WWOX: variants seen among roughly 807,000 people sequenced by gnomAD.
WWOX encodes WW domain containing oxidoreductase.
A neutral mutation model predicts 46.2 loss-of-function variants in WWOX; 69 were observed. The ratio of observed to expected loss-of-function variants is 1.49; its 90% CI spans 1.23 to 1.82. The LOEUF is 1.82. WWOX is among the 40% of genes most tolerant of loss of function. WWOX has a pLI of 0.00. For synonymous variants in WWOX, 359 were observed against 202.6 expected (o/e 1.77, Z -6.56); for missense variants, 919 against 542.6 (o/e 1.69, Z -6.89).
chr16:78,577,723 A>G (rs977124767), intron 8 of WWOX, among the ~76,000 whole-genome samples: 1 of 152,008 alleles, frequency 6.6e-6, no homozygotes, highest in African/African-American at 2.4e-5. Context: ...GTGTGTTGAC[A>G]CTCTATTTGA....
chr16:78,186,129 T>TA (rs1001607378), intron 5 of WWOX, among the ~76,000 whole-genome samples: 1 of 152,072 alleles, frequency 6.6e-6, no homozygotes, highest in Non-Finnish European at 1.5e-5. Context: ...TCAGACAGTA[T>TA]AAAAAAATCT....
Position 78,924,301 on chromosome 16 carries a change from G to C in WWOX, c.1057-287307G>C, listed in dbSNP as rs556650336. Among the ~76,000 whole-genome samples, 14 of 152,254 alleles carry C rather than the reference G, an allele frequency of 9.2e-5. No individual in the cohort carries two copies. The South Asian group carries it at 1.2e-3, about 14-fold the overall frequency. On this transcript the variant is annotated intron_variant, in intron 8 of 8. Transcript: ENST00000566780. ...TTTATAAGATTTTAGGATTAGGAAG[G>C]CTTTTTTAGGGGGTGGGGTTGCTTT... is the stretch of plus-strand genomic sequence containing the variant.
chr16:78,546,504 A>G (rs372235113), intron 8 of WWOX, among the ~76,000 whole-genome samples: 1 of 152,210 alleles, frequency 6.6e-6, no homozygotes, highest in Non-Finnish European at 1.5e-5. Context: ...TGGGATTGCA[A>G]TTACCTTGCC....
rs77302608 is a variant in WWOX, at chr16:78,728,648, C to T, written c.1056+295896C>T. On this transcript the variant is annotated intron_variant, in intron 8 of 8. Coordinates refer to ENST00000566780, the MANE Select transcript of WWOX (RefSeq NM_016373.4). Reference sequence around the variant, plus strand: ...AGAGCTTCTGGAAGGGTCTCAGAGACATCCCTGAGGGTCCCTTGACTGCAC... The same window carrying T: ...AGAGCTTCTGGAAGGGTCTCAGAGATATCCCTGAGGGTCCCTTGACTGCAC... Among the ~76,000 whole-genome samples, 267 of 152,316 alleles carry T rather than the reference C, an allele frequency of 1.8e-3. 5 individuals are homozygous for T. The East Asian group carries it at 0.022, about 13-fold the overall frequency.
chr16:79,194,241 G>A (rs150380788), intron 8 of WWOX, among the ~76,000 whole-genome samples: 1 of 152,294 alleles, frequency 6.6e-6, no homozygotes, highest in African/African-American at 2.4e-5. Context: ...TGGTCATTTT[G>A]TTTATCCATC....
rs530005505 is a variant in WWOX at position 78,490,184 on chromosome 16, C to G, written c.1056+57432C>G. 1.1e-4 allele frequency among the ~76,000 whole-genome samples: 17 copies of G among 148,454 alleles called. No homozygotes were observed. In the East Asian group the frequency reaches 2.8e-3, roughly 24 times the overall value. ...GGCGTTGGCTTTTACTTGGGGTTGACCTTTCCTTATCAAGGACGTACAAGG... is the reference window on the plus strand; with the variant it reads ...GGCGTTGGCTTTTACTTGGGGTTGAGCTTTCCTTATCAAGGACGTACAAGG... On this transcript the variant is annotated intron_variant, in intron 8 of 8. Coordinates refer to ENST00000566780, the MANE Select transcript of WWOX (RefSeq NM_016373.4).
intron 5 of WWOX, among the ~76,000 whole-genome samples, chr16:78,314,383 G>T (rs968629627): frequency 1.0e-5 from 1 of 95,450 alleles, no homozygotes; most frequent in Non-Finnish European, 2.0e-5. Flanking sequence ...TCCAGCCTGA[G>T]CAACAGAGTG....
chr16:78,987,728 T>G (rs1317247332), intron 8 of WWOX, among the ~76,000 whole-genome samples: 1 of 152,172 alleles, frequency 6.6e-6, no homozygotes, highest in African/African-American at 2.4e-5. Context: ...TAATGAGAGT[T>G]GCGATATGTC....
intron 5 of WWOX, among the ~76,000 whole-genome samples, chr16:78,309,623 A>G (rs952716328): frequency 1.3e-5 from 2 of 152,050 alleles, no homozygotes; most frequent in African/African-American, 4.8e-5. Flanking sequence ...CGTTCCCAGG[A>G]CCCCTTGAGA....
chr16:78,901,026 A>G (rs1444202299), intron 8 of WWOX, among the ~76,000 whole-genome samples: 12 of 152,196 alleles, frequency 7.9e-5, no homozygotes, highest in Non-Finnish European at 1.5e-5. Context: ...GTTCTACAGA[A>G]TGGACCACTG....
chr16:78,437,389 T>C (rs1461931979), intron 8 of WWOX, among the ~76,000 whole-genome samples: 1 of 152,260 alleles, frequency 6.6e-6, no homozygotes, highest in Non-Finnish European at 1.5e-5. Flanking sequence ...ATGTGATCTG[T>C]CTTTTAAATG....
At chr16:79,124,489 G>A (rs946673800) in intron 8 of WWOX, among the ~76,000 whole-genome samples, 1 of 152,158 alleles carries the variant, frequency 6.6e-6, no homozygotes. Context: ...GCACAAAGGC[G>A]GCTCTGTCTG....
chr16:78,320,858 C>G (rs956361398), intron 5 of WWOX, among the ~76,000 whole-genome samples: 2 of 152,126 alleles, frequency 1.3e-5, no homozygotes, highest in South Asian at 4.1e-4. Flanking sequence ...TTAATTGAAG[C>G]CATGACTTGA....
intron 5 of WWOX, among the ~76,000 whole-genome samples, chr16:78,293,978 GA>G (rs35079271): frequency 0.042 from 1,270 of 30,320 alleles, 56 homozygotes; most frequent in African/African-American, 0.12. Context: ...CTCTGTCTCA[GA>G]AAAAAAAAAA....
At chr16:79,007,541 A>G (rs2047214545) in intron 8 of WWOX, among the ~76,000 whole-genome samples, 1 of 152,238 alleles carries the variant, frequency 6.6e-6, no homozygotes. Context: ...AGAGCACCCA[A>G]AATATCCATA....
At chr16:78,818,813 C>G (rs552200038) in intron 8 of WWOX, among the ~76,000 whole-genome samples, 1 of 152,300 alleles carries the variant, frequency 6.6e-6, no homozygotes, top group East Asian at 1.9e-4. Context: ...TACGTAATTC[C>G]AAAGGTTGCT....
chr16:79,150,634 T>C (rs1211475594), intron 8 of WWOX, among the ~76,000 whole-genome samples: 1 of 152,122 alleles, frequency 6.6e-6, no homozygotes, highest in Admixed American at 6.5e-5. Flanking sequence ...AGATTAGAAA[T>C]TCATATATTT....
intron 8 of WWOX, among the ~76,000 whole-genome samples, chr16:78,463,399 A>G (rs1424936586): frequency 6.6e-6 from 1 of 152,208 alleles, no homozygotes; most frequent in African/African-American, 2.4e-5. Context: ...CTGCTAATTT[A>G]TATAGACTGG....
At chr16:78,390,043 G>T (rs534429607) in intron 6 of WWOX, among the ~76,000 whole-genome samples, 1 of 152,282 alleles carries the variant, frequency 6.6e-6, no homozygotes, top group Admixed American at 6.5e-5. Context: ...CACCCTGCCC[G>T]ACCCTTTCAT....
Sources: allele counts gnomAD v4.1 joint callset (sites outside exome capture counted in the v4.1 genomes callset), GRCh38; gene constraint gnomAD v4.1.1; transcripts MANE v1.5; gene names NCBI Gene and HGNC (gene_info 2026-07-23, HGNC 2026-07-21).